Variants in LAMA3 observed in about 807,000 individuals in gnomAD.
The protein encoded by LAMA3 is laminin subunit alpha 3, also known as laminin subunit alpha-3.
A neutral mutation model predicts 402.0 loss-of-function variants in LAMA3; 281 were observed. The ratio of observed to expected loss-of-function variants is 0.70; its 90% CI spans 0.63 to 0.77. LAMA3 has a LOEUF of 0.77. LAMA3 is among the 30% of genes least tolerant of loss of function. LAMA3 has a pLI of 0.00. For synonymous variants in LAMA3, 1,431 were observed against 1,558.4 expected (o/e 0.92, Z 1.93); for missense variants, 3,840 against 4,215.5 (o/e 0.91, Z 2.47).
At chr18:23,855,121 C>A (rs1195660235) in intron 32 of LAMA3, among the ~76,000 whole-genome samples, 1 of 152,252 alleles carries the variant, frequency 6.6e-6, no homozygotes, top group Non-Finnish European at 1.5e-5. Context: ...CTGAGTTGTG[C>A]CCACCAATGG....
intron 2 of LAMA3, among the ~76,000 whole-genome samples, chr18:23,738,084 TAG>T (rs941983903): frequency 3.9e-5 from 6 of 152,024 alleles, no homozygotes; most frequent in African/African-American, 1.4e-4. Context: ...AAGATGGAAG[TAG>T]AGTGTGGAGG....
chr18:23,863,853 T>G (rs2064285337), intron 35 of LAMA3, among the ~76,000 whole-genome samples: 1 of 152,190 alleles, frequency 6.6e-6, no homozygotes, highest in African/African-American at 2.4e-5. Flanking sequence ...GGACCCAAGG[T>G]GTGAAGTAGC....
intron 14 of LAMA3, 85 bp downstream of exon 14, chr18:23,813,188 G>C (rs1368393526): frequency 1.1e-6 from 1 of 929,350 alleles, no homozygotes; most frequent in East Asian, 2.4e-5. Flanking sequence ...GGCACTTCCA[G>C]AAATTAAAAT....
Position 23,872,893 on chromosome 18 carries a change from G to T in LAMA3, c.4998+1232G>T, listed in dbSNP as rs2064571504. On this transcript the variant is annotated intron_variant, in intron 38 of 74. Coordinates refer to ENST00000313654, the MANE Select transcript of LAMA3 (RefSeq NM_198129.4). ...GACTGTTATGTGCGCTCTGGCACAG[G>T]CTGACTCATGTGTGAAGTTTAAAGG... The T allele has an allele frequency of 3.7e-6, 3 of 804,518 alleles. No homozygotes were observed. In the South Asian group the frequency reaches 4.6e-5, roughly 12 times the overall value. The allele number at this position is 804,518 out of a possible 1,614,324, so 49.8% of individuals were successfully genotyped here. A position where few individuals can be genotyped will look rare whatever the true frequency, so the allele number is the denominator to read the frequency against.
chr18:23,883,025 G>A (rs2064953048), intron 40 of LAMA3, among the ~76,000 whole-genome samples: 2 of 152,308 alleles, frequency 1.3e-5, no homozygotes, highest in Admixed American at 6.5e-5. Flanking sequence ...TTTTGGCCAC[G>A]AGGCTCCTAG....
intron 41 of LAMA3, among the ~76,000 whole-genome samples, chr18:23,886,795 G>A (rs1008010991): frequency 6.6e-6 from 1 of 152,236 alleles, no homozygotes; most frequent in Non-Finnish European, 1.5e-5. Flanking sequence ...AAATGTTTAT[G>A]GATAAGGTGG....
chr18:23,695,073 C>T (rs1453421971), intron 1 of LAMA3, among the ~76,000 whole-genome samples: 1 of 152,122 alleles, frequency 6.6e-6, no homozygotes, highest in Non-Finnish European at 1.5e-5. Context: ...CAGGTGTGGC[C>T]CTGCTGTGTC....
chr18:23,731,466 A>G (rs2061393648), intron 2 of LAMA3, among the ~76,000 whole-genome samples: 1 of 152,216 alleles, frequency 6.6e-6, no homozygotes, highest in East Asian at 1.9e-4. Flanking sequence ...TTCTTTGCTC[A>G]ATGTATTATC....
At chr18:23,896,965 C>G (rs569773481) in intron 44 of LAMA3, among the ~76,000 whole-genome samples, 2 of 152,094 alleles carry the variant, frequency 1.3e-5, no homozygotes, top group South Asian at 4.2e-4. Context: ...AAGAAAGACA[C>G]CCAACAGAAG....
chr18:23,899,217 C>T, intron 46 of LAMA3, 71 bp from the exon 47 acceptor site: 1 of 1,137,970 alleles, frequency 8.8e-7, no homozygotes, highest in Non-Finnish European at 1.2e-6. Flanking sequence ...AAGTTTCTAC[C>T]TTTTTTTTTT....
chr18:23,825,839 A>G (rs2063371817), intron 21 of LAMA3, among the ~76,000 whole-genome samples: 1 of 152,090 alleles, frequency 6.6e-6, no homozygotes, highest in Non-Finnish European at 1.5e-5. Context: ...CCTATGATCA[A>G]CCTTTACTAT....
intron 35 of LAMA3, among the ~76,000 whole-genome samples, chr18:23,863,377 G>A (rs1312215070): frequency 6.6e-6 from 1 of 152,158 alleles, no homozygotes; most frequent in African/African-American, 2.4e-5. Context: ...CCTGGGAGGC[G>A]GAGGTTGCAA....
chr18:23,729,873 T>A (rs1292091872), intron 2 of LAMA3, among the ~76,000 whole-genome samples: 1 of 152,196 alleles, frequency 6.6e-6, no homozygotes, highest in Non-Finnish European at 1.5e-5. Context: ...GTGATGGCAA[T>A]GTACGTGACG....
At chr18:23,721,649 C>A (rs754371302) in intron 2 of LAMA3, among the ~76,000 whole-genome samples, 6 of 152,168 alleles carry the variant, frequency 3.9e-5, no homozygotes, top group Non-Finnish European at 5.9e-5. Context: ...CCTCTCCCTC[C>A]CCACTTACCA....
intron 68 of LAMA3, among the ~76,000 whole-genome samples, chr18:23,939,805 C>A (rs2082434534): frequency 6.6e-6 from 1 of 152,152 alleles, no homozygotes; most frequent in African/African-American, 2.4e-5. Flanking sequence ...ATACATTTGG[C>A]CTTTTTGCGC....
intron 1 of LAMA3, among the ~76,000 whole-genome samples, chr18:23,711,946 T>C (rs2060997770): frequency 6.6e-6 from 1 of 152,198 alleles, no homozygotes; most frequent in Admixed American, 6.5e-5. Flanking sequence ...TCTAGCCAGA[T>C]GTAAATCTTC....
At chr18:23,890,543 G>A (rs2145016488) in intron 42 of LAMA3, among the ~76,000 whole-genome samples, 1 of 152,140 alleles carries the variant, frequency 6.6e-6, no homozygotes, top group Admixed American at 6.5e-5. Flanking sequence ...CTGGGATGTG[G>A]GTGGGTAATT....
In LAMA3 at chr18:23,881,905, G is replaced by A. The variant is rs771722123; in HGVS notation, c.5113-31G>A. ...CTCAGAAGTAGGGACTGTACTGGCTGCTGTGAATTGTGCTGTTCACCTGTC... is the reference window on the plus strand; with the variant it reads ...CTCAGAAGTAGGGACTGTACTGGCTACTGTGAATTGTGCTGTTCACCTGTC... On this transcript the variant is annotated intron_variant, in intron 39 of 74. Transcript: ENST00000313654. 59 of 1,376,922 alleles carry A rather than the reference G, an allele frequency of 4.3e-5. 1 individual carries two copies. In the South Asian group the frequency reaches 6.6e-4, roughly 15 times the overall value. The allele number at this position is 1,376,922 out of a possible 1,614,324, so 85.3% of individuals were successfully genotyped here.
At chr18:23,733,392 AG>A (rs2061424660) in intron 2 of LAMA3, among the ~76,000 whole-genome samples, 1 of 152,182 alleles carries the variant, frequency 6.6e-6, no homozygotes, top group Admixed American at 6.5e-5. Flanking sequence ...GAAGGCGAAA[AG>A]CATGTCTTAC....
Sources: gnomAD v4.1 joint callset for allele counts (sites outside exome capture counted in the v4.1 genomes callset) on GRCh38, gnomAD v4.1.1 for gene constraint, MANE v1.5 for transcripts, NCBI Gene and HGNC (gene_info 2026-07-23, HGNC 2026-07-21) for gene names.